The following NHS variants were observed in gnomAD, a reference collection of about 807,000 sequenced individuals.
NHS encodes the protein NHS actin remodeling regulator.
In NHS, 5 loss-of-function variants were observed where a neutral mutation model predicts 72.5. The ratio of observed to expected loss-of-function variants is 0.07; its 90% CI spans 0.04 to 0.14. The LOEUF is 0.14. Among genes scored for constraint, NHS ranks in the 10% least tolerant of loss-of-function variants. The probability of loss-of-function intolerance (pLI) is 1.00; values close to 1 mark genes in which losing one functional copy is unlikely to be tolerated. For synonymous variants in NHS, 464 were observed against 547.7 expected (o/e 0.85, Z 2.13); for missense variants, 1,072 against 1,355.7 (o/e 0.79, Z 3.29).
intron 1 of NHS, among the ~76,000 whole-genome samples, chrX:17,510,550 C>G (rs1280775645): frequency 8.9e-6 from 1 of 112,227 alleles, no homozygotes; most frequent in African/African-American, 3.2e-5. Flanking sequence ...TACCCATGCC[C>G]AAGGTTAGCA....
intron 1 of NHS, among the ~76,000 whole-genome samples, chrX:17,466,662 G>A (rs1029449602): frequency 6.2e-5 from 7 of 112,065 alleles, no homozygotes; most frequent in African/African-American, 2.3e-4. Flanking sequence ...CAGGAGATCC[G>A]TTATCTAACG....
intron 1 of NHS, among the ~76,000 whole-genome samples, chrX:17,501,283 G>A (rs1425708508): frequency 9.1e-6 from 1 of 110,227 alleles, no homozygotes; most frequent in Non-Finnish European, 1.9e-5. Flanking sequence ...AGCATGGGAG[G>A]TTGAGGCTGC....
chrX:17,730,449 G>A (rs1300445778), intron 8 of NHS, among the ~76,000 whole-genome samples: 3 of 112,401 alleles, frequency 2.7e-5, no homozygotes, highest in African/African-American at 9.7e-5. Flanking sequence ...CCCTAACTTA[G>A]TGGAGTGCCA....
chrX:17,625,412 G>T (rs1028269869), intron 1 of NHS, among the ~76,000 whole-genome samples: 1 of 111,904 alleles, frequency 8.9e-6, no homozygotes. Context: ...GAGAACCACT[G>T]CCCTAGAACA....
chrX:17,681,192 C>CA (rs747214525), intron 1 of NHS, among the ~76,000 whole-genome samples: 2 of 111,667 alleles, frequency 1.8e-5, no homozygotes, highest in East Asian at 5.7e-4. Context: ...AGAAGACAGG[C>CA]AAAATAAAGC....
intron 1 of NHS, among the ~76,000 whole-genome samples, chrX:17,679,907 A>G (rs1433224712): frequency 9.0e-6 from 1 of 110,696 alleles, no homozygotes; most frequent in Non-Finnish European, 1.9e-5. Context: ...GTTTTCCATC[A>G]ATGTCATCTT....
intron 1 of NHS, among the ~76,000 whole-genome samples, chrX:17,611,470 CAT>C (rs2065711034): frequency 1.8e-5 from 2 of 111,872 alleles, no homozygotes; most frequent in African/African-American, 6.5e-5. Context: ...GGAAACATAA[CAT>C]GTGATTTTCT....
chrX:17,437,048 T>C (rs1298340789), intron 1 of NHS, among the ~76,000 whole-genome samples: 1 of 111,970 alleles, frequency 8.9e-6, no homozygotes, highest in Non-Finnish European at 1.9e-5. Context: ...CTCAACACTA[T>C]GTGGAAGCAC....
rs1261955877 is a variant in NHS at position 17,624,949 on chromosome X, T to C, written c.566-62793T>C. Among the ~76,000 whole-genome samples the C allele has an allele frequency of 7.1e-5, 8 of 112,202 alleles. 1 individual carries two copies. Among genetic ancestry groups the C allele is most frequent in the African/African-American group, 2.3e-4 (7 of 30,895 alleles). ...ATGGTTTTATACTATTAAAAATTATTAAGGGCCCCAGAGGGCTTCTGTTTG... is the reference window on the plus strand; with the variant it reads ...ATGGTTTTATACTATTAAAAATTATCAAGGGCCCCAGAGGGCTTCTGTTTG... On this transcript the variant is annotated intron_variant, in intron 1 of 8. Coordinates refer to ENST00000676302, the MANE Select transcript of NHS (RefSeq NM_001291867.2).
chrX:17,406,419 C>A (rs779155032), intron 1 of NHS, among the ~76,000 whole-genome samples: 1 of 111,309 alleles, frequency 9.0e-6, no homozygotes, highest in Non-Finnish European at 1.9e-5. Context: ...TCTAAACAAG[C>A]GGGTCTGCAA....
intron 1 of NHS, among the ~76,000 whole-genome samples, chrX:17,446,656 CA>C (rs565284624): frequency 0.067 from 6,031 of 90,142 alleles, 420 homozygotes; most frequent in African/African-American, 0.21. Context: ...CCTTTTTGCC[CA>C]AAAAAAAAAA....
intron 1 of NHS, among the ~76,000 whole-genome samples, chrX:17,395,091 C>T (rs1276801158): frequency 9.1e-6 from 1 of 110,286 alleles, no homozygotes; most frequent in Admixed American, 9.8e-5. Flanking sequence ...TCTCTGTCAG[C>T]CTACTACTCT....
chrX:17,595,806 G>C (rs1422045294), intron 1 of NHS, among the ~76,000 whole-genome samples: 1 of 112,030 alleles, frequency 8.9e-6, no homozygotes, highest in Non-Finnish European at 1.9e-5. Context: ...CTTCTTTAAT[G>C]GGCAATTACT....
intron 1 of NHS, among the ~76,000 whole-genome samples, chrX:17,636,772 C>G (rs2065850447): frequency 8.9e-6 from 1 of 112,197 alleles, no homozygotes; most frequent in South Asian, 3.7e-4. Context: ...AGCTTTGTTA[C>G]TTAAGATCGC....
At chrX:17,683,663 G>A in intron 1 of NHS, among the ~76,000 whole-genome samples, 1 of 111,854 alleles carries the variant, frequency 8.9e-6, no homozygotes, top group Non-Finnish European at 1.9e-5. Context: ...TTGGCATATG[G>A]TTGGAGCTTC....
At chrX:17,579,884 G>C (rs2146982071) in intron 1 of NHS, among the ~76,000 whole-genome samples, 1 of 111,025 alleles carries the variant, frequency 9.0e-6, no homozygotes, top group East Asian at 2.9e-4. Context: ...TGATTTGGTG[G>C]GAGAATACCC....
rs776768305 is a variant in NHS, at chrX:17,665,304, T to C, written c.566-22438T>C. Among the ~76,000 whole-genome samples the C allele has an allele frequency of 5.7e-5, 6 of 105,413 alleles. No homozygotes were observed. The South Asian group carries it at 2.5e-3, about 44-fold the overall frequency. The allele number at this position is 105,413 out of a possible 115,157, so 91.5% of individuals were successfully genotyped here. ...GGGAAATCAACATTTCACCATTAAG[T>C]ATATTACCTATAGATTTTTTTTTTT... On this transcript the variant is annotated intron_variant, in intron 1 of 8. Transcript: ENST00000676302.
intron 1 of NHS, among the ~76,000 whole-genome samples, chrX:17,550,847 A>G (rs1188690014): frequency 9.0e-6 from 1 of 111,685 alleles, no homozygotes; most frequent in Non-Finnish European, 1.9e-5. Context: ...CTGGCTTTGG[A>G]GTGGCCCACA....
At chrX:17,520,324 T>C (rs1276536240) in intron 1 of NHS, among the ~76,000 whole-genome samples, 4 of 112,480 alleles carry the variant, frequency 3.6e-5, no homozygotes, top group African/African-American at 1.3e-4. Flanking sequence ...GGAATGTCTC[T>C]GAATGATTAA....
Sources: allele counts gnomAD v4.1 joint callset (sites outside exome capture counted in the v4.1 genomes callset), GRCh38; gene constraint gnomAD v4.1.1; transcripts MANE v1.5; gene names NCBI Gene and HGNC (gene_info 2026-07-23, HGNC 2026-07-21).